Variants in SIL1 observed in about 807,000 individuals in gnomAD.
SIL1 encodes nucleotide exchange factor SIL1.
SIL1 carries 40 observed loss-of-function variants against 49.1 expected under a neutral mutation model. The observed-to-expected ratio is 0.81, with a 90% CI of 0.63 to 1.06. The LOEUF (loss-of-function observed/expected upper bound fraction) is 1.06. Among genes scored for constraint, SIL1 ranks in the 50% least tolerant of loss-of-function variants. SIL1 has a pLI of 0.00. For missense variants in SIL1, 500 were observed against 572.6 expected, an observed-to-expected ratio of 0.87 and a Z score of 1.29; for synonymous variants, 253 against 250.8, an observed-to-expected ratio of 1.01 and a Z score of -0.08.
chr5:138,984,220 T>C (rs900207564), intron 7 of SIL1, among the ~76,000 whole-genome samples: 3 of 152,098 alleles, frequency 2.0e-5, no homozygotes, highest in Non-Finnish European at 2.9e-5. Context: ...TGAGAGATAA[T>C]ATCCAGGCTC....
intron 7 of SIL1, among the ~76,000 whole-genome samples, chr5:138,981,435 A>G (rs1413915855): frequency 4.6e-5 from 7 of 152,162 alleles, no homozygotes; most frequent in Non-Finnish European, 8.8e-5. Context: ...ATCAGAACCA[A>G]TGTAACAAAA....
intron 7 of SIL1, among the ~76,000 whole-genome samples, chr5:139,003,446 A>T (rs1227133333): frequency 2.6e-5 from 4 of 152,146 alleles, no homozygotes; most frequent in Non-Finnish European, 4.4e-5. Context: ...ATGTGAGATA[A>T]CACAGACTCC....
intron 1 of SIL1, among the ~76,000 whole-genome samples, chr5:139,190,319 G>T (rs148277464): frequency 6.6e-6 from 1 of 152,168 alleles, no homozygotes; most frequent in Non-Finnish European, 1.5e-5. Context: ...ACGGAGGAAG[G>T]CTTCAAATTC....
At chr5:139,062,877 C>T (rs956293469) in intron 3 of SIL1, among the ~76,000 whole-genome samples, 14 of 152,170 alleles carry the variant, frequency 9.2e-5, no homozygotes, top group African/African-American at 3.1e-4. Flanking sequence ...ACCATGTGCC[C>T]ACAAAGGGCC....
At chr5:139,121,239 G>A in intron 2 of SIL1, 66 bp from the exon 3 acceptor site, 1 of 1,607,672 alleles carries the variant, frequency 6.2e-7, no homozygotes, top group Non-Finnish European at 8.5e-7. Context: ...AAAAAAAATG[G>A]CCTAGGGTGG....
chr5:138,984,008 G>A (rs184941047), intron 7 of SIL1, among the ~76,000 whole-genome samples: 32 of 152,258 alleles, frequency 2.1e-4, no homozygotes, highest in African/African-American at 6.0e-4. Context: ...GGGCTATGTC[G>A]GGGGATTAGC....
At chr5:139,021,477 C>T (rs900586022) in intron 6 of SIL1, among the ~76,000 whole-genome samples, 185 bp from the exon 7 acceptor site, 9 of 152,176 alleles carry the variant, frequency 5.9e-5, no homozygotes, top group Non-Finnish European at 1.3e-4. Context: ...TTGAGAACTC[C>T]TAATTCATCT....
chr5:139,120,906 G>T, intron 3 of SIL1, 129 bp downstream of exon 3: 1 of 1,173,004 alleles, frequency 8.5e-7, no homozygotes, highest in Non-Finnish European at 1.2e-6. Context: ...CTACCACTCT[G>T]ACGGACCATG....
intron 7 of SIL1, among the ~76,000 whole-genome samples, chr5:138,986,599 T>C (rs1049504696): frequency 6.6e-6 from 1 of 152,192 alleles, no homozygotes; most frequent in Non-Finnish European, 1.5e-5. Context: ...AGGCACTGAT[T>C]GGGCAGAATC....
At chr5:139,008,849 T>C (rs1007777274) in intron 7 of SIL1, among the ~76,000 whole-genome samples, 22 of 152,208 alleles carry the variant, frequency 1.4e-4, no homozygotes, top group African/African-American at 5.3e-4. Context: ...ACTTCTGTTC[T>C]TTTACATTTG....
At chr5:139,092,498 G>A (rs907653365) in intron 3 of SIL1, among the ~76,000 whole-genome samples, 4 of 152,136 alleles carry the variant, frequency 2.6e-5, no homozygotes. Context: ...GAAATGGAAG[G>A]GGATGCAAGA....
intron 3 of SIL1, among the ~76,000 whole-genome samples, chr5:139,066,302 A>G (rs548772067): frequency 2.5e-4 from 38 of 151,350 alleles, no homozygotes; most frequent in Non-Finnish European, 4.4e-4. Flanking sequence ...AACTCCCCCT[A>G]TGCTTTTCTT....
At chr5:139,027,056 C>A in intron 5 of SIL1, 64 bp from the exon 6 acceptor site, 1 of 1,529,108 alleles carries the variant, frequency 6.5e-7, no homozygotes, top group South Asian at 1.1e-5. Flanking sequence ...TGTCTGTGGT[C>A]TACCATGGAT....
chr5:138,950,126 G>A (rs1197431116), intron 9 of SIL1, among the ~76,000 whole-genome samples: 1 of 152,190 alleles, frequency 6.6e-6, no homozygotes, highest in Non-Finnish European at 1.5e-5. Flanking sequence ...AGGATGCCAG[G>A]GCTGGGGGCA....
Position 139,093,137 on chromosome 5 carries a change from C to T in SIL1, c.244+27898G>A, listed in dbSNP as rs534468870. On this transcript the variant is annotated intron_variant, in intron 3 of 9. Transcript: ENST00000394817. ...AACACTCCGTCTCTTTTGTTCCCCC[C>T]CACAAAAGGCAAGTTCAGCCCCATT... Among the ~76,000 whole-genome samples, 6 of 152,272 alleles carry T rather than the reference C, an allele frequency of 3.9e-5. No individual in the cohort carries two copies. The East Asian group carries it at 9.7e-4, about 25-fold the overall frequency.
chr5:139,048,347 G>A (rs560266343), intron 4 of SIL1, among the ~76,000 whole-genome samples: 232 of 103,006 alleles, frequency 2.3e-3, no homozygotes, highest in African/African-American at 8.9e-3. Flanking sequence ...GTTTTTTTCT[G>A]TTTTGCTTTT....
intron 7 of SIL1, among the ~76,000 whole-genome samples, chr5:138,967,660 T>C (rs1217596881): frequency 6.6e-6 from 1 of 152,078 alleles, no homozygotes; most frequent in Non-Finnish European, 1.5e-5. Flanking sequence ...ACGTTAGATG[T>C]TCAAAGAACC....
intron 5 of SIL1, chr5:139,035,642 C>CTTTTT (rs759319838): frequency 4.1e-4 from 66 of 159,572 alleles, no homozygotes; most frequent in East Asian, 6.3e-4. Context: ...AGGTATACAA[C>CTTTTT]TTTTTTTTTT....
chr5:139,133,699 C>A (rs1357268890), intron 1 of SIL1, among the ~76,000 whole-genome samples: 1 of 152,194 alleles, frequency 6.6e-6, no homozygotes, highest in Admixed American at 6.5e-5. Context: ...AAAGCCAACT[C>A]AGTAGCCTGC....
Sources: gnomAD v4.1 joint callset for allele counts (sites outside exome capture counted in the v4.1 genomes callset) on GRCh38, gnomAD v4.1.1 for gene constraint, MANE v1.5 for transcripts, NCBI Gene and HGNC (gene_info 2026-07-23, HGNC 2026-07-21) for gene names.